The following CCNY variants were observed in gnomAD, a reference collection of about 807,000 sequenced individuals.
CCNY encodes cyclin Y.
A neutral mutation model predicts 42.8 loss-of-function variants in CCNY; 19 were observed. The observed-to-expected ratio is 0.44, with a 90% CI of 0.31 to 0.65. The LOEUF (loss-of-function observed/expected upper bound fraction) is 0.65. Ranked by LOEUF, CCNY falls within the 30% of genes least tolerant of loss-of-function variation. The pLI is 0.07. For missense variants in CCNY, 370 were observed against 437.3 expected, an observed-to-expected ratio of 0.85 and a Z score of 1.37; for synonymous variants, 165 against 162.7, an observed-to-expected ratio of 1.01 and a Z score of -0.11.
chr10:35,360,084 ATTTG>A (rs931518182), intron 1 of CCNY, among the ~76,000 whole-genome samples: 9 of 152,156 alleles, frequency 5.9e-5, no homozygotes, highest in African/African-American at 2.2e-4. Flanking sequence ...GTGTTGAAAC[ATTTG>A]TTTGAGTTCT....
At chr10:35,492,454 G>A (rs1409475113) in intron 2 of CCNY, among the ~76,000 whole-genome samples, 5 of 152,106 alleles carry the variant, frequency 3.3e-5, no homozygotes, top group Admixed American at 1.3e-4. Flanking sequence ...AATTTAATTG[G>A]CAGCATTTTT....
Position 35,262,194 on chromosome 10 carries a change from G to A in CCNY, c.-9+11568G>A, listed in dbSNP as rs193102090. 8.0e-4 allele frequency among the ~76,000 whole-genome samples: 118 copies of A among 147,380 alleles called. No homozygotes were observed. The East Asian group carries it at 9.4e-3, about 12-fold the overall frequency. ...GAAGAATCTCTTGAACCCAGGAGGC[G>A]GAGGCTGCAGTGAGCCAAGATGGCA... On this transcript the variant is annotated intron_variant, in intron 3 of 11. Transcript: ENST00000374706.
rs116051077 is a variant in CCNY at position 35,337,821 on chromosome 10, C to T, written c.154+614C>T. Reference sequence around the variant, plus strand: ...GAATGCTCTTTAAAAGATTGTCAGACACCTTTGGGTTAAGTCTCAGTTTTT... The same window carrying T: ...GAATGCTCTTTAAAAGATTGTCAGATACCTTTGGGTTAAGTCTCAGTTTTT... On this transcript the variant is annotated intron_variant, in intron 1 of 9. Transcript: ENST00000374704. Among the ~76,000 whole-genome samples, 502 of 152,160 alleles carry T rather than the reference C, an allele frequency of 3.3e-3. 4 individuals are homozygous for T. Among genetic ancestry groups the T allele is most frequent in the African/African-American group, 0.011 (474 of 41,522 alleles).
rs80235117 is a variant in CCNY at position 35,484,476 on chromosome 10, A to G, written c.229+998A>G. 1.3e-4 allele frequency among the ~76,000 whole-genome samples: 20 copies of G among 152,332 alleles called. No homozygotes were observed. The East Asian group carries it at 1.9e-3, about 15-fold the overall frequency. On this transcript the variant is annotated intron_variant, in intron 2 of 9. Transcript: ENST00000374704. ...TTATGAAAAGTAAACGTTTCCAAGA[A>G]TAAATTAGTATAGGCATCTAGTATT...
intron 1 of CCNY, among the ~76,000 whole-genome samples, chr10:35,423,346 G>A (rs1029495223): frequency 4.6e-5 from 7 of 151,894 alleles, no homozygotes; most frequent in East Asian, 3.9e-4. Flanking sequence ...ATGGTGACGC[G>A]CACCTGTATT....
At chr10:35,397,803 G>A (rs1275107716) in intron 1 of CCNY, among the ~76,000 whole-genome samples, 2 of 152,204 alleles carry the variant, frequency 1.3e-5, no homozygotes, top group Non-Finnish European at 2.9e-5. Flanking sequence ...GGATGCATGT[G>A]TGTCCTTTCC....
intron 3 of CCNY, among the ~76,000 whole-genome samples, chr10:35,505,183 T>C (rs1420363713): frequency 6.6e-6 from 1 of 151,866 alleles, no homozygotes; most frequent in African/African-American, 2.4e-5. Flanking sequence ...ACTCAGAATG[T>C]ATGCTTTTTA....
chr10:35,398,959 C>T lies in CCNY; in HGVS notation c.154+61752C>T, dbSNP rs538695939. Among the ~76,000 whole-genome samples the T allele has an allele frequency of 1.0e-3, 158 of 152,338 alleles. 1 individual carries two copies. Among genetic ancestry groups the T allele is most frequent in the Non-Finnish European group, 1.8e-3 (124 of 68,032 alleles). On this transcript the variant is annotated intron_variant, in intron 1 of 9. Coordinates refer to ENST00000374704, the MANE Select transcript of CCNY (RefSeq NM_145012.6). ...CTGCCCCTGTGAAGAATCAGACATA[C>T]GCCGTGCTTGCTTTCCTGGCCTTTC... is the stretch of plus-strand genomic sequence containing the variant.
chr10:35,376,035 C>T (rs778035713), intron 1 of CCNY, among the ~76,000 whole-genome samples: 7 of 152,168 alleles, frequency 4.6e-5, no homozygotes, highest in African/African-American at 1.7e-4. Context: ...CTTGGAAGCT[C>T]TGAGGGGTCG....
At chr10:35,360,288 CTTTT>C (rs5784449) in intron 1 of CCNY, among the ~76,000 whole-genome samples, 1 of 99,886 alleles carries the variant, frequency 1.0e-5, no homozygotes, top group Non-Finnish European at 2.1e-5. Context: ...CTTTTCTTTT[CTTTT>C]TTTTTTTTTT....
chr10:35,535,550 G>T (rs544496481), intron 7 of CCNY, among the ~76,000 whole-genome samples: 10 of 152,224 alleles, frequency 6.6e-5, no homozygotes, highest in Non-Finnish European at 4.4e-5. Context: ...ATACATATAC[G>T]TATATGTATG....
chr10:35,464,099 A>C (rs1294009760), intron 1 of CCNY, among the ~76,000 whole-genome samples: 2 of 152,182 alleles, frequency 1.3e-5, no homozygotes, highest in Admixed American at 1.3e-4. Flanking sequence ...ATGGGGCTTA[A>C]TTGGATTGAT....
At chr10:35,288,074 C>T (rs1393091786) in intron 3 of CCNY, among the ~76,000 whole-genome samples, 1 of 152,090 alleles carries the variant, frequency 6.6e-6, no homozygotes, top group Admixed American at 6.6e-5. Flanking sequence ...TACATCCCAC[C>T]AGTAATGTAT....
intron 1 of CCNY, among the ~76,000 whole-genome samples, chr10:35,374,877 T>G (rs1468792276): frequency 6.6e-6 from 1 of 152,174 alleles, no homozygotes; most frequent in African/African-American, 2.4e-5. Flanking sequence ...AGAGGCAAAT[T>G]GTCAACACTT....
At chr10:35,353,600 G>A (rs1324170844) in intron 1 of CCNY, among the ~76,000 whole-genome samples, 1 of 152,082 alleles carries the variant, frequency 6.6e-6, no homozygotes, top group African/African-American at 2.4e-5. Flanking sequence ...GCTGCTCCTC[G>A]GCTCCCCAAA....
rs114328660 is a variant in CCNY at position 35,536,874 on chromosome 10, A to G, written c.579+6631A>G. On this transcript the variant is annotated intron_variant, in intron 7 of 9. Transcript: ENST00000374704. ...GCAGCCTGACAGTCTGATAGAAAAG[A>G]AACACCATTTTCTGAGGAGAAATTC... Among the ~76,000 whole-genome samples the G allele has an allele frequency of 6.8e-3, 1,032 of 152,336 alleles. 11 individuals are homozygous for G. Among genetic ancestry groups the G allele is most frequent in the African/African-American group, 0.024 (986 of 41,578 alleles).
intron 1 of CCNY, among the ~76,000 whole-genome samples, chr10:35,435,918 A>C (rs918745397): frequency 6.6e-6 from 1 of 152,202 alleles, no homozygotes; most frequent in African/African-American, 2.4e-5. Flanking sequence ...GACGATGGAT[A>C]GTGCCTCCTG....
intron 1 of CCNY, among the ~76,000 whole-genome samples, chr10:35,406,340 A>G (rs2135238577): frequency 6.6e-6 from 1 of 151,966 alleles, no homozygotes; most frequent in South Asian, 2.1e-4. Context: ...ACAAGTGAAC[A>G]AAGGTCTCTG....
At chr10:35,310,046 C>G (rs1056918113) in intron 3 of CCNY, among the ~76,000 whole-genome samples, 1 of 151,722 alleles carries the variant, frequency 6.6e-6, no homozygotes, top group Non-Finnish European at 1.5e-5. Context: ...CTGATCCGCC[C>G]GCCTCAGCCT....
Sources: gnomAD v4.1 joint callset for allele counts (sites outside exome capture counted in the v4.1 genomes callset) on GRCh38, gnomAD v4.1.1 for gene constraint, MANE v1.5 for transcripts, NCBI Gene and HGNC (gene_info 2026-07-23, HGNC 2026-07-21) for gene names.